The following DNAH7 variants were observed in gnomAD, a reference collection of about 807,000 sequenced individuals.
DNAH7 encodes the protein axonemal beta dynein heavy chain 7.
In DNAH7, 397 loss-of-function variants were observed where a neutral mutation model predicts 444.6. That is an observed-to-expected ratio of 0.89 (90% CI 0.82 to 0.97). The LOEUF (loss-of-function observed/expected upper bound fraction) is 0.97, where lower values mean the gene tolerates loss of function less well. Among genes scored for constraint, DNAH7 ranks in the 50% least tolerant of loss-of-function variants. The probability of loss-of-function intolerance (pLI) is 0.00; values close to 1 mark genes in which losing one functional copy is unlikely to be tolerated. For missense variants in DNAH7, 4,902 were observed against 4,800.8 expected (o/e 1.02, Z -0.62); for synonymous variants, 1,636 against 1,624.4 (o/e 1.01, Z -0.17).
At chr2:196,006,242 G>A (rs1381707018) in intron 10 of DNAH7, among the ~76,000 whole-genome samples, 3 of 152,066 alleles carry the variant, frequency 2.0e-5, no homozygotes, top group Non-Finnish European at 2.9e-5. Flanking sequence ...GGAAGCAGGG[G>A]TTGCAGTGAG....
intron 57 of DNAH7, among the ~76,000 whole-genome samples, chr2:195,794,009 C>T (rs942345800): frequency 6.6e-6 from 1 of 152,098 alleles, no homozygotes; most frequent in African/African-American, 2.4e-5. Flanking sequence ...TAGCACAAGG[C>T]TCAGTTAATA....
intron 19 of DNAH7, among the ~76,000 whole-genome samples, chr2:195,947,472 T>A (rs1474625990): frequency 1.3e-5 from 2 of 152,100 alleles, no homozygotes; most frequent in Non-Finnish European, 2.9e-5. Context: ...GGCCCCAGTG[T>A]GTGACGTTCC....
intron 55 of DNAH7, among the ~76,000 whole-genome samples, chr2:195,797,652 C>T (rs1350319230): frequency 6.6e-6 from 1 of 152,186 alleles, no homozygotes; most frequent in African/African-American, 2.4e-5. Flanking sequence ...CCCACCATTG[C>T]TCTTCCTGGA....
intron 56 of DNAH7, 119 bp downstream of exon 56, chr2:195,796,457 G>T: frequency 1.7e-6 from 2 of 1,206,294 alleles, no homozygotes; most frequent in Non-Finnish European, 1.1e-6. Context: ...CTGCAATCCA[G>T]CCAAAGCACT....
At chr2:195,795,825 GAC>G (rs1292948557) in intron 56 of DNAH7, 1 of 152,230 alleles carries the variant, frequency 6.6e-6, no homozygotes, top group Non-Finnish European at 1.5e-5. Context: ...TCTAGTGGGA[GAC>G]ACGGCCAGAA....
intron 48 of DNAH7, chr2:195,825,056 T>G (rs1697666639): frequency 6.6e-6 from 1 of 152,376 alleles, no homozygotes; most frequent in Admixed American, 6.6e-5. Flanking sequence ...GCAGGAGGAT[T>G]GCTTGAGTCC....
At position 195,957,319 on chromosome 2, in the gene DNAH7, C is replaced by T; in HGVS notation, c.3020G>A (p.Gly1007Asp). 2.5e-6 allele frequency: 4 copies of T among 1,605,576 alleles called. No individual in the cohort carries two copies. The highest frequency in any genetic ancestry group is 3.4e-6 in the Non-Finnish European group (4 of 1,174,126). ...PDIMSQMPEE[G>D]RRFTAVDKTW... ...CTTATCCACAGCTGTAAATCGTCTG[C>T]CTTCCTCAGGCATTTGAGACATAAT... Residue 1007 changes from glycine to aspartate, a missense_variant, in exon 19 of 65, where the codon GGC becomes GAC. By Grantham distance (94) the Gly-to-Asp change is moderately conservative (BLOSUM62 -1). Transcript: ENST00000312428.
chr2:195,961,451 T>C (rs897306619), intron 17 of DNAH7, among the ~76,000 whole-genome samples: 3 of 152,216 alleles, frequency 2.0e-5, no homozygotes, highest in African/African-American at 7.2e-5. Context: ...TCTATGAATT[T>C]GATTTTTTAT....
rs925143736 is a variant in DNAH7 at position 195,936,344 on chromosome 2, A to G, written c.3272+255T>C. On this transcript the variant is annotated intron_variant, in intron 20 of 64. Transcript: ENST00000312428. Reference sequence around the variant, plus strand: ...AGCCAAGGTCGCGCCATTGCACTCCAGCCTGGGAAACAAGAGTGAAACTCC... The same window carrying G: ...AGCCAAGGTCGCGCCATTGCACTCCGGCCTGGGAAACAAGAGTGAAACTCC... Among the ~76,000 whole-genome samples the G allele has an allele frequency of 6.6e-5, 10 of 152,198 alleles. 1 individual carries two copies. The highest frequency in any genetic ancestry group is 2.1e-4 in the South Asian group (1 of 4,834).
At chr2:195,749,058 A>G (rs905050963) in intron 63 of DNAH7, among the ~76,000 whole-genome samples, 6 of 152,014 alleles carry the variant, frequency 3.9e-5, no homozygotes, top group African/African-American at 1.4e-4. Context: ...AACCTACAAA[A>G]TGGGAGAAAA....
chr2:196,066,676 A>T (rs1698446069), intron 1 of DNAH7, among the ~76,000 whole-genome samples: 1 of 152,252 alleles, frequency 6.6e-6, no homozygotes, highest in African/African-American at 2.4e-5. Flanking sequence ...TTTAAGAGAA[A>T]AGCCCAGACT....
At chr2:195,784,300 C>T (rs1377558304) in intron 58 of DNAH7, among the ~76,000 whole-genome samples, 1 of 152,146 alleles carries the variant, frequency 6.6e-6, no homozygotes, top group Non-Finnish European at 1.5e-5. Context: ...AATCATTTCA[C>T]TGTCTCCACA....
chr2:195,991,379 T>C (rs1693329796), intron 12 of DNAH7, among the ~76,000 whole-genome samples: 1 of 152,232 alleles, frequency 6.6e-6, no homozygotes, highest in Non-Finnish European at 1.5e-5. Context: ...AGTGAATTCT[T>C]ACTTTCTTTT....
chr2:195,924,954 A>T (rs1174078399), intron 22 of DNAH7, among the ~76,000 whole-genome samples: 1 of 152,178 alleles, frequency 6.6e-6, no homozygotes, highest in African/African-American at 2.4e-5. Context: ...CTTTAAAAAC[A>T]TTTAATAAAA....
At position 195,910,091 on chromosome 2, in the gene DNAH7, T is replaced by G. The variant is rs899251919; in HGVS notation, c.4040A>C (p.Lys1347Thr). ...AGAGCAGTTGAAAACAACACATTGTTTGGCTACAGCTTTTGCCAAATCCTT... is the reference window on the plus strand; with the variant it reads ...AGAGCAGTTGAAAACAACACATTGTGTGGCTACAGCTTTTGCCAAATCCTT... ...TTKDLAKAVA[K>T]QCVVFNCSDG... Residue 1347 changes from lysine to threonine, a missense_variant, in exon 25 of 65, where the codon AAA becomes ACA. Physicochemically the swap from Lys to Thr is moderately conservative, Grantham distance 78. Coordinates refer to ENST00000312428, the MANE Select transcript of DNAH7 (RefSeq NM_018897.3). The G allele has an allele frequency of 3.5e-5, 56 of 1,613,856 alleles. No individual in the cohort carries two copies. The highest frequency in any genetic ancestry group is 4.3e-5 in the Non-Finnish European group (51 of 1,179,910).
intron 19 of DNAH7, among the ~76,000 whole-genome samples, chr2:195,937,133 T>C (rs1574824197): frequency 6.6e-6 from 1 of 152,214 alleles, no homozygotes; most frequent in African/African-American, 2.4e-5. Flanking sequence ...TTTTGTATTT[T>C]ATTCTTTGAG....
chr2:196,026,173 T>C (rs1158336769), intron 7 of DNAH7, among the ~76,000 whole-genome samples: 1 of 152,216 alleles, frequency 6.6e-6, no homozygotes, highest in Non-Finnish European at 1.5e-5. Context: ...GCCAGATTTG[T>C]AGATGACATG....
chr2:195,933,030 C>T (rs1313812811), intron 21 of DNAH7, among the ~76,000 whole-genome samples: 3 of 152,154 alleles, frequency 2.0e-5, no homozygotes, highest in Admixed American at 6.6e-5. Flanking sequence ...TAGAATTCAG[C>T]TGTGAATCCA....
intron 5 of DNAH7, among the ~76,000 whole-genome samples, chr2:196,046,618 G>A (rs945830446): frequency 1.6e-4 from 24 of 151,998 alleles, no homozygotes; most frequent in East Asian, 5.8e-4. Context: ...AAGCACATAC[G>A]CTCAACCCAG....
Sources: gnomAD v4.1 joint callset for allele counts (sites outside exome capture counted in the v4.1 genomes callset) on GRCh38, gnomAD v4.1.1 for gene constraint, MANE v1.5 for transcripts, NCBI Gene and HGNC (gene_info 2026-07-23, HGNC 2026-07-21) for gene names.